The following GAB4 variants were observed in gnomAD, a reference collection of about 807,000 sequenced individuals.
GAB4 encodes GRB2 associated binding protein family member 4, also known as GRB2-associated-binding protein 4.
GAB4 carries 26 observed loss-of-function variants against 51.3 expected under a neutral mutation model. That is an observed-to-expected ratio of 0.51 (90% CI 0.37 to 0.70). The LOEUF (loss-of-function observed/expected upper bound fraction) is 0.70, where lower values mean the gene tolerates loss of function less well. GAB4 is among the 30% of genes least tolerant of loss of function. The pLI, the probability that GAB4 is intolerant of heterozygous loss-of-function variation, is 0.00. For synonymous variants in GAB4, 329 were observed against 291.2 expected, an observed-to-expected ratio of 1.13 and a Z score of -1.32; for missense variants, 759 against 734.6, an observed-to-expected ratio of 1.03 and a Z score of -0.38.
At chr22:16,969,453 C>T (rs1285416521) in intron 4 of GAB4, among the ~76,000 whole-genome samples, 1 of 152,214 alleles carries the variant, frequency 6.6e-6, no homozygotes, top group Non-Finnish European at 1.5e-5. Flanking sequence ...TGCTGGGGGA[C>T]CCAGTGGTCA....
At chr22:16,986,494 T>G (rs1212688267) in intron 3 of GAB4, among the ~76,000 whole-genome samples, 1 of 152,180 alleles carries the variant, frequency 6.6e-6, no homozygotes, top group Non-Finnish European at 1.5e-5. Context: ...TTCTGCCACC[T>G]TACACCCATC....
chr22:16,987,024 TAA>T (rs962414962), intron 3 of GAB4, among the ~76,000 whole-genome samples: 30 of 152,210 alleles, frequency 2.0e-4, no homozygotes, highest in Non-Finnish European at 3.7e-4. Context: ...GCTTCACCTA[TAA>T]AATGGAGATA....
At chr22:16,995,693 A>C (rs1198657023) in intron 1 of GAB4, among the ~76,000 whole-genome samples, 3 of 152,322 alleles carry the variant, frequency 2.0e-5, no homozygotes, top group Admixed American at 2.0e-4. Context: ...GACTTCCAGC[A>C]AACTCCAGCA....
chr22:16,999,278 C>A (rs2060976050), intron 1 of GAB4, among the ~76,000 whole-genome samples: 2 of 149,930 alleles, frequency 1.3e-5, no homozygotes, highest in Non-Finnish European at 3.0e-5. Flanking sequence ...CCTGGACTTT[C>A]TTTGGTTGGT....
At chr22:16,972,111 C>T (rs2060736867) in intron 3 of GAB4, among the ~76,000 whole-genome samples, 1 of 152,226 alleles carries the variant, frequency 6.6e-6, no homozygotes, top group South Asian at 2.1e-4. Context: ...TGGATTTGCT[C>T]CTGTGATGTT....
chr22:16,979,861 C>A (rs2060812544), intron 3 of GAB4, among the ~76,000 whole-genome samples: 1 of 152,174 alleles, frequency 6.6e-6, no homozygotes, highest in Non-Finnish European at 1.5e-5. Flanking sequence ...CACCACACAT[C>A]TACAACCATC....
At chr22:17,006,652 T>C (rs1423922710) in intron 1 of GAB4, among the ~76,000 whole-genome samples, 6 of 152,178 alleles carry the variant, frequency 3.9e-5, no homozygotes, top group African/African-American at 1.4e-4. Flanking sequence ...ATGGCACATA[T>C]ACACTATGGA....
chr22:16,965,789 G>T (rs533118743), intron 6 of GAB4, among the ~76,000 whole-genome samples: 40 of 152,306 alleles, frequency 2.6e-4, no homozygotes, highest in African/African-American at 9.1e-4. Context: ...GCTGGGCCAA[G>T]GCCACAGGGT....
intron 1 of GAB4, among the ~76,000 whole-genome samples, chr22:16,993,697 C>A (rs2060930457): frequency 6.6e-6 from 1 of 152,122 alleles, no homozygotes; most frequent in Non-Finnish European, 1.5e-5. Flanking sequence ...CTTCAAGGGG[C>A]CCTCATGTGG....
intron 3 of GAB4, among the ~76,000 whole-genome samples, chr22:16,975,642 C>A (rs973359062): frequency 6.6e-6 from 1 of 152,226 alleles, no homozygotes; most frequent in Non-Finnish European, 1.5e-5. Flanking sequence ...TATCTCCCAG[C>A]ACAACGCCCG....
At position 16,986,754 on chromosome 22, in the gene GAB4, T is replaced by C. The variant is rs566382003; in HGVS notation, c.686+1206A>G. ...GTGATCTTGGTTAATTTGTTCTGTC[T>C]TTCTAGAACACAGATCTTCATGTAT... On this transcript the variant is annotated intron_variant, in intron 3 of 9. Transcript: ENST00000400588. 4.6e-5 allele frequency among the ~76,000 whole-genome samples: 7 copies of C among 152,332 alleles called. 1 individual carries two copies. The Middle Eastern group carries it at 0.02, about 444-fold the overall frequency.
In GAB4 at chr22:16,992,994, G is replaced by A. The variant is rs550142363; in HGVS notation, c.175-818C>T. Among the ~76,000 whole-genome samples, 5 of 152,234 alleles carry A rather than the reference G, an allele frequency of 3.3e-5. No homozygotes were observed. The South Asian group carries it at 1.0e-3, about 32-fold the overall frequency. ...TCCTGCTTCCGCCTCCCAAAGCACT[G>A]AGAGACCTTTTTTCTATCTTGTTCA... On this transcript the variant is annotated intron_variant, in intron 1 of 9. Coordinates refer to ENST00000400588, the MANE Select transcript of GAB4 (RefSeq NM_001037814.1).
At chr22:16,974,942 C>A (rs987464327) in intron 3 of GAB4, among the ~76,000 whole-genome samples, 1 of 152,142 alleles carries the variant, frequency 6.6e-6, no homozygotes, top group Non-Finnish European at 1.5e-5. Flanking sequence ...CAAGGGAAGC[C>A]GAGAGGGACT....
Position 16,962,128 on chromosome 22 carries a change from T to A in GAB4, c.*605A>T, listed in dbSNP as rs1379934599. The A allele has an allele frequency of 6.5e-6, 1 of 153,166 alleles. No homozygotes were observed. Among genetic ancestry groups the A allele is most frequent in the Non-Finnish European group, 1.5e-5 (1 of 68,548 alleles). 9.5% of individuals were successfully genotyped at this position (153,166 alleles called of 1,614,324 possible). On this transcript the variant is annotated 3_prime_UTR_variant, in exon 10 of 10. Transcript: ENST00000400588. ...TTCGTCTTCATGTTTTCCCTTCCTT[T>A]TGCCCTTCCCTCTCTGCCTCTCCCA...
intron 1 of GAB4, among the ~76,000 whole-genome samples, chr22:16,995,804 G>A (rs1235698546): frequency 6.6e-6 from 1 of 152,118 alleles, no homozygotes; most frequent in South Asian, 2.1e-4. Flanking sequence ...CCCATCCAAA[G>A]ATCACCAACA....
intron 2 of GAB4, among the ~76,000 whole-genome samples, chr22:16,989,529 G>A (rs2060896657): frequency 6.6e-6 from 1 of 152,210 alleles, no homozygotes; most frequent in South Asian, 2.1e-4. Flanking sequence ...TCCACTTACA[G>A]CTATGTGCAC....
At chr22:17,006,970 C>G (rs765525566) in intron 1 of GAB4, among the ~76,000 whole-genome samples, 1 of 152,084 alleles carries the variant, frequency 6.6e-6, no homozygotes, top group Non-Finnish European at 1.5e-5. Context: ...CAAACCTCCA[C>G]GTTCTGCACA....
intron 1 of GAB4, among the ~76,000 whole-genome samples, chr22:17,007,501 T>A (rs2061050599): frequency 6.7e-6 from 1 of 149,042 alleles, no homozygotes; most frequent in Non-Finnish European, 1.5e-5. Context: ...GCCTGCCTTC[T>A]CGGGGCTTGG....
intron 3 of GAB4, among the ~76,000 whole-genome samples, chr22:16,971,671 A>C (rs1300297089): frequency 3.9e-5 from 6 of 152,230 alleles, no homozygotes; most frequent in Non-Finnish European, 7.3e-5. Context: ...TCTCACACAC[A>C]TGCACATTTG....
Sources: gnomAD v4.1 joint callset for allele counts (sites outside exome capture counted in the v4.1 genomes callset) on GRCh38, gnomAD v4.1.1 for gene constraint, MANE v1.5 for transcripts, NCBI Gene and HGNC (gene_info 2026-07-23, HGNC 2026-07-21) for gene names.